GNB4: variants seen among roughly 807,000 people sequenced by gnomAD.
The protein encoded by GNB4 is guanine nucleotide-binding protein subunit beta-4.
A neutral mutation model predicts 45.2 loss-of-function variants in GNB4; 28 were observed. The ratio of observed to expected loss-of-function variants is 0.62; its 90% CI spans 0.46 to 0.85. GNB4 has a LOEUF of 0.85. Among genes scored for constraint, GNB4 ranks in the 40% least tolerant of loss-of-function variants. GNB4 has a pLI of 0.00. For missense variants in GNB4, 321 were observed against 425.4 expected (o/e 0.75, Z 2.16); for synonymous variants, 132 against 143.7 (o/e 0.92, Z 0.58).
chr3:179,436,346 T>A (rs576335567), intron 1 of GNB4, among the ~76,000 whole-genome samples: 1 of 152,260 alleles, frequency 6.6e-6, no homozygotes, highest in South Asian at 2.1e-4. Context: ...GCCGAGATCA[T>A]GCCATTGCAC....
intron 8 of GNB4, among the ~76,000 whole-genome samples, chr3:179,407,678 CAA>C (rs1334720081): frequency 6.6e-6 from 1 of 152,042 alleles, no homozygotes; most frequent in Non-Finnish European, 1.5e-5. Context: ...CAATGCTTGG[CAA>C]AGAGAAAACT....
At chr3:179,477,262 A>T in the GNB4 span, among the ~76,000 whole-genome samples, 5 of 152,218 alleles carry the variant, frequency 3.3e-5, no homozygotes, top group Non-Finnish European at 7.3e-5. Flanking sequence ...AGTTCTGATT[A>T]TCTTTTAATT....
upstream of GNB4, among the ~76,000 whole-genome samples, chr3:179,454,086 T>G (rs1715943004): frequency 6.6e-6 from 1 of 152,210 alleles, no homozygotes; most frequent in African/African-American, 2.4e-5. Flanking sequence ...ACATTTCTGA[T>G]GCCTGCTGGT....
chr3:179,518,021 C>G, the GNB4 span, among the ~76,000 whole-genome samples: 1 of 151,910 alleles, frequency 6.6e-6, no homozygotes, highest in Non-Finnish European at 1.5e-5. Flanking sequence ...GGGGGGCAAG[C>G]ACCCCCCATC....
In GNB4 at chr3:179,417,080, G is replaced by A. The variant is rs376207321; in HGVS notation, c.204-524C>T. Among the ~76,000 whole-genome samples, 5 of 152,162 alleles carry A rather than the reference G, an allele frequency of 3.3e-5. 2 individuals carry two copies. Among genetic ancestry groups the A allele is most frequent in the Admixed American group, 6.5e-5 (1 of 15,286 alleles). Reference sequence around the variant, plus strand: ...AGTAAGTAAAAACTGTCAGAAGAGGGGTATAAAATAAATGCCACAGGAGAG... The same window carrying A: ...AGTAAGTAAAAACTGTCAGAAGAGGAGTATAAAATAAATGCCACAGGAGAG... On this transcript the variant is annotated intron_variant, in intron 4 of 9. Transcript: ENST00000232564.
At chr3:179,413,260 A>G (rs1714702856) in intron 8 of GNB4, 152 bp downstream of exon 8, 1 of 638,166 alleles carries the variant, frequency 1.6e-6, no homozygotes, top group South Asian at 2.0e-5. Context: ...TCTTTTTTAA[A>G]AAATCAAAAA....
upstream of GNB4, among the ~76,000 whole-genome samples, chr3:179,453,062 T>C (rs146251274): frequency 6.6e-6 from 1 of 152,330 alleles, no homozygotes; most frequent in Non-Finnish European, 1.5e-5. Flanking sequence ...GATTAATTTA[T>C]CGGAGTCACG....
At chr3:179,456,154 G>A (rs1037368200), upstream of GNB4, among the ~76,000 whole-genome samples, 12 of 147,728 alleles carry the variant, frequency 8.1e-5, no homozygotes, top group Admixed American at 2.1e-4. Flanking sequence ...CTCCGTCACT[G>A]AGGGTGGAGC....
chr3:179,456,055 A>G (rs576940048), upstream of GNB4, among the ~76,000 whole-genome samples: 23 of 151,146 alleles, frequency 1.5e-4, no homozygotes, highest in African/African-American at 5.4e-4. Context: ...TGTTGCTTCC[A>G]CTATCCTCAC....
the GNB4 span, chr3:179,465,197 G>A: frequency 9.5e-5 from 126 of 1,327,192 alleles, no homozygotes; most frequent in Admixed American, 1.9e-4. Context: ...TCCTGTAACT[G>A]CCAAACTGAA....
chr3:179,496,810 G>T, the GNB4 span, among the ~76,000 whole-genome samples: 1 of 152,038 alleles, frequency 6.6e-6, no homozygotes, highest in Non-Finnish European at 1.5e-5. Context: ...AAATATATAT[G>T]CACTCAACAT....
At chr3:179,493,292 C>G in the GNB4 span, among the ~76,000 whole-genome samples, 1 of 151,848 alleles carries the variant, frequency 6.6e-6, no homozygotes, top group Non-Finnish European at 1.5e-5. Context: ...GGAAGCTCAA[C>G]AAGATATAAG....
the GNB4 span, among the ~76,000 whole-genome samples, chr3:179,500,163 A>T: frequency 6.6e-6 from 1 of 152,196 alleles, no homozygotes; most frequent in African/African-American, 2.4e-5. Context: ...TGCCCATGCC[A>T]ATGTCCTGAA....
intron 1 of GNB4, among the ~76,000 whole-genome samples, chr3:179,432,328 T>C (rs1179868580): frequency 1.3e-5 from 2 of 152,098 alleles, no homozygotes; most frequent in African/African-American, 4.8e-5. Flanking sequence ...AGGAACTAAC[T>C]TTTCACTCTT....
chr3:179,449,109 A>C (rs1577042867), intron 1 of GNB4, among the ~76,000 whole-genome samples: 1 of 152,324 alleles, frequency 6.6e-6, no homozygotes, highest in African/African-American at 2.4e-5. Flanking sequence ...CTCTAGTTTA[A>C]TTTGAGGGAT....
At chr3:179,423,479 T>A (rs1715053343) in intron 2 of GNB4, among the ~76,000 whole-genome samples, 1 of 152,164 alleles carries the variant, frequency 6.6e-6, no homozygotes, top group Non-Finnish European at 1.5e-5. Context: ...AAGATACTGA[T>A]CATCAATGAA....
intron 2 of GNB4, among the ~76,000 whole-genome samples, chr3:179,424,558 CA>C (rs1715089415): frequency 6.6e-6 from 1 of 152,178 alleles, no homozygotes; most frequent in Admixed American, 6.6e-5. Context: ...GTTCTTCATC[CA>C]TCCCTGTTTT....
the GNB4 span, among the ~76,000 whole-genome samples, chr3:179,489,005 AAAAAAAAAAAAAAAAT>A: frequency 2.6e-5 from 1 of 38,236 alleles, no homozygotes; most frequent in African/African-American, 1.2e-4. Context: ...AAAAAAAAAA[AAAAAAAAAAAAAAAAT>A]ATATATATAT....
At chr3:179,486,574 G>A in the GNB4 span, among the ~76,000 whole-genome samples, 1 of 152,256 alleles carries the variant, frequency 6.6e-6, no homozygotes, top group African/African-American at 2.4e-5. Context: ...AAACCAATGA[G>A]CCACCATAGG....
Sources: allele counts gnomAD v4.1 joint callset (sites outside exome capture counted in the v4.1 genomes callset), GRCh38; gene constraint gnomAD v4.1.1; transcripts MANE v1.5; gene names NCBI Gene and HGNC (gene_info 2026-07-23, HGNC 2026-07-21).